The following CD38 variants were observed in gnomAD, a reference collection of about 807,000 sequenced individuals.
CD38 encodes ADP-ribosyl cyclase/cyclic ADP-ribose hydrolase 1.
Under a neutral mutation model 36.3 loss-of-function variants are expected in CD38, and 31 were observed. The ratio of observed to expected loss-of-function variants is 0.85; its 90% CI spans 0.64 to 1.15. The LOEUF (loss-of-function observed/expected upper bound fraction) is 1.15. CD38 is among the 50% of genes most tolerant of loss of function. The pLI is 0.00. For synonymous variants in CD38, 131 were observed against 135.2 expected, an observed-to-expected ratio of 0.97 and a Z score of 0.22; for missense variants, 380 against 371.9, an observed-to-expected ratio of 1.02 and a Z score of -0.18.
At chr4:15,794,616 C>T (rs1355376712) in intron 1 of CD38, among the ~76,000 whole-genome samples, 2 of 151,964 alleles carry the variant, frequency 1.3e-5, no homozygotes, top group Admixed American at 6.6e-5. Flanking sequence ...GTGATGAAAG[C>T]TTATGTGGAA....
chr4:15,841,695 G>GT (rs1264320542), intron 7 of CD38, among the ~76,000 whole-genome samples: 4 of 149,832 alleles, frequency 2.7e-5, no homozygotes, highest in Admixed American at 2.0e-4. Flanking sequence ...GCAGGCCAGT[G>GT]TGTGTGCACA....
chr4:15,781,501 A>C (rs1722695974), intron 1 of CD38, among the ~76,000 whole-genome samples: 1 of 152,240 alleles, frequency 6.6e-6, no homozygotes, highest in African/African-American at 2.4e-5. Context: ...AATCTGCTGG[A>C]CAGGCCAGCA....
At position 15,792,911 on chromosome 4, in the gene CD38, T is replaced by C. The variant is rs150186742; in HGVS notation, c.233+14264T>C. ...ATTTGCACATTGCATTAAAAATATA[T>C]GTATCTTAAATTTCCTTTAATTTAC... On this transcript the variant is annotated intron_variant, in intron 1 of 7. Transcript: ENST00000226279. 1.9e-3 allele frequency among the ~76,000 whole-genome samples: 283 copies of C among 152,364 alleles called. 2 individuals carry two copies. The highest frequency in any genetic ancestry group is 6.3e-3 in the African/African-American group (261 of 41,588).
intron 1 of CD38, among the ~76,000 whole-genome samples, chr4:15,790,348 T>A (rs1469894303): frequency 6.6e-6 from 1 of 151,836 alleles, no homozygotes. Context: ...GGTTTTCGTT[T>A]TTTTTTTTTG....
intron 1 of CD38, among the ~76,000 whole-genome samples, chr4:15,792,463 A>AAAAG (rs1560308115): frequency 1.0e-4 from 15 of 149,072 alleles, no homozygotes; most frequent in Middle Eastern, 3.4e-3. Context: ...ATCAAGAAAA[A>AAAAG]AAAAGAAAAG....
At chr4:15,783,167 T>C (rs1265847584) in intron 1 of CD38, among the ~76,000 whole-genome samples, 1 of 152,128 alleles carries the variant, frequency 6.6e-6, no homozygotes, top group Non-Finnish European at 1.5e-5. Flanking sequence ...ACAAAGCGTT[T>C]GCTGACTGTC....
At chr4:15,821,554 A>T (rs952729442) in intron 2 of CD38, among the ~76,000 whole-genome samples, 4 of 152,156 alleles carry the variant, frequency 2.6e-5, no homozygotes, top group Non-Finnish European at 5.9e-5. Context: ...AAATACCTCT[A>T]TGCAAATAAA....
At chr4:15,780,518 TCACACACACACACACACACACA>T (rs59324393) in intron 1 of CD38, among the ~76,000 whole-genome samples, 1 of 140,028 alleles carries the variant, frequency 7.1e-6, no homozygotes, top group Admixed American at 7.0e-5. Context: ...ATTCTCTCTC[TCACACACACACACACACACACA>T]CACACACACA....
rs1321870892 is a variant in CD38 at position 15,849,465 on chromosome 4, T to G, written c.*863T>G. On this transcript the variant is annotated 3_prime_UTR_variant, in exon 8 of 8. Coordinates refer to ENST00000226279, the MANE Select transcript of CD38 (RefSeq NM_001775.4). ...CAAATGCATATTGGATTAAATTGAC[T>G]AGAATGGAATCTGGAATATAGTTCT... 6.6e-6 allele frequency: 1 copy of G among 152,206 alleles called. No individual in the cohort carries two copies. Among genetic ancestry groups the G allele is most frequent in the African/African-American group, 2.4e-5 (1 of 41,454 alleles). 9.4% of individuals were successfully genotyped at this position (152,206 alleles called of 1,614,324 possible). A position where few individuals can be genotyped will look rare whatever the true frequency, so the allele number is the denominator to read the frequency against.
At chr4:15,829,263 G>A (rs1723913686) in intron 3 of CD38, among the ~76,000 whole-genome samples, 1 of 151,712 alleles carries the variant, frequency 6.6e-6, no homozygotes, top group African/African-American at 2.4e-5. Context: ...TGTATATATG[G>A]GATGTGTGTA....
At chr4:15,824,820 A>G in intron 2 of CD38, 61 bp from the exon 3 acceptor site, 1 of 1,353,336 alleles carries the variant, frequency 7.4e-7, no homozygotes, top group Non-Finnish European at 1.0e-6. Context: ...AAAACTGTGG[A>G]TTAATTTTTT....
intron 1 of CD38, among the ~76,000 whole-genome samples, chr4:15,788,305 G>C (rs1560306523): frequency 6.6e-6 from 1 of 152,174 alleles, no homozygotes. Flanking sequence ...CAATTGGTTG[G>C]AGTTGCTCTG....
In CD38 at chr4:15,852,549, A is replaced by G. The variant is rs1724410144; in HGVS notation, c.*3947A>G. ...TAAAGTAAAATATTAAAATACACCT[A>G]GAATACTGTATAACTTTAAGTCATT... On this transcript the variant is annotated 3_prime_UTR_variant, in exon 8 of 8. Coordinates refer to ENST00000226279, the MANE Select transcript of CD38 (RefSeq NM_001775.4). The G allele has an allele frequency of 6.6e-6, 1 of 152,236 alleles. No homozygotes were observed. Among genetic ancestry groups the G allele is most frequent in the African/African-American group, 2.4e-5 (1 of 41,458 alleles). The allele number at this position is 152,236 out of a possible 1,614,324, so 9.4% of individuals were successfully genotyped here.
At position 15,848,513 on chromosome 4, in the gene CD38, T is replaced by C. The variant is rs1216036967; in HGVS notation, c.840-26T>C. On this transcript the variant is annotated intron_variant, in intron 7 of 7. Coordinates refer to ENST00000226279, the MANE Select transcript of CD38 (RefSeq NM_001775.4). ...ACAGATGTATCCTACGGTCTCTTGA[T>C]TTCCTTTTTTGCTTTCTTGTCATAG... The C allele has an allele frequency of 2.5e-6, 4 of 1,594,376 alleles. No homozygotes were observed. The South Asian group carries it at 3.3e-5, about 13-fold the overall frequency.
intron 1 of CD38, among the ~76,000 whole-genome samples, chr4:15,801,847 CAG>C (rs1459648963): frequency 6.6e-6 from 1 of 152,072 alleles, no homozygotes; most frequent in African/African-American, 2.4e-5. Flanking sequence ...TTGTACCAAA[CAG>C]GGAAATGTTG....
At chr4:15,807,538 T>C (rs1200526903) in intron 1 of CD38, among the ~76,000 whole-genome samples, 1 of 148,002 alleles carries the variant, frequency 6.8e-6, no homozygotes, top group African/African-American at 2.6e-5. Context: ...CCAGGCCAGC[T>C]CCTGAGTGTC....
intron 2 of CD38, among the ~76,000 whole-genome samples, chr4:15,824,405 T>G (rs979213702): frequency 1.3e-5 from 2 of 152,298 alleles, no homozygotes; most frequent in Admixed American, 6.5e-5. Flanking sequence ...AGAGGGACCC[T>G]TAAATTTAAA....
intron 1 of CD38, among the ~76,000 whole-genome samples, chr4:15,799,277 G>A (rs1034785829): frequency 6.6e-6 from 1 of 152,160 alleles, no homozygotes. Flanking sequence ...ATCCTTTATC[G>A]AGGGTTTTCT....
intron 1 of CD38, among the ~76,000 whole-genome samples, chr4:15,804,908 G>A (rs1235224961): frequency 6.6e-6 from 1 of 152,056 alleles, no homozygotes; most frequent in East Asian, 1.9e-4. Context: ...AGTACTGAGA[G>A]GAGAAAATTT....
Sources: allele counts gnomAD v4.1 joint callset (sites outside exome capture counted in the v4.1 genomes callset), GRCh38; gene constraint gnomAD v4.1.1; transcripts MANE v1.5; gene names NCBI Gene and HGNC (gene_info 2026-07-23, HGNC 2026-07-21).